The following POLL variants were observed in gnomAD, a reference collection of about 807,000 sequenced individuals.
The protein encoded by POLL is DNA polymerase lambda.
A neutral mutation model predicts 58.1 loss-of-function variants in POLL; 44 were observed. That is an observed-to-expected ratio of 0.76 (90% confidence interval 0.60 to 0.97). POLL has a LOEUF of 0.97. Among genes scored for constraint, POLL ranks in the 50% least tolerant of loss-of-function variants. The pLI, the probability that POLL is intolerant of heterozygous loss-of-function variation, is 0.00. For missense variants in POLL, 632 were observed against 736.8 expected (o/e 0.86, Z 1.65); for synonymous variants, 290 against 283.2 (o/e 1.02, Z -0.24).
rs758755637 is a variant in POLL at position 101,579,650 on chromosome 10, G to A, written c.1531C>T (p.His511Tyr). The A allele has an allele frequency of 8.7e-6, 14 of 1,613,986 alleles. No individual in the cohort carries two copies. The highest frequency in any genetic ancestry group is 3.3e-5 in the Admixed American group (2 of 60,024). The part of the protein sequence containing the change: ...CALLYFTGSA[H>Y]FNRSMRALAK... Reference sequence around the variant, plus strand: ...AGGGCTCGCATGGAGCGGTTGAAGTGTGCAGAGCCGGTGAAGTAGAGCAGG... The same window carrying A: ...AGGGCTCGCATGGAGCGGTTGAAGTATGCAGAGCCGGTGAAGTAGAGCAGG... Residue 511 changes from histidine to tyrosine, a missense_variant, in exon 9 of 9, where the codon CAC (histidine) becomes TAC (tyrosine). Transcript: ENST00000370162. This position sits in a 1 kb window ranked among gnomAD's most constrained non-coding sequence, Gnocchi z 4.4.
rs2062897068 is a variant in POLL at position 101,580,078 on chromosome 10, A to G, written c.1363+170T>C. On this transcript the variant is annotated intron_variant, in intron 8 of 8. Coordinates refer to ENST00000370162, the MANE Select transcript of POLL (RefSeq NM_001174084.2). The surrounding 1 kb of genome is among the most constrained non-coding windows in gnomAD (Gnocchi z 4.1). ...CACATAGGTGTGGCGGGGCTGTTCC[A>G]TCTCTCCCTGGAGAGGATTCCGGCC... 1 of 702,780 alleles carries G rather than the reference A, an allele frequency of 1.4e-6. No individual in the cohort carries two copies. Among genetic ancestry groups the G allele is most frequent in the Non-Finnish European group, 2.3e-6 (1 of 429,858 alleles). 43.5% of individuals were successfully genotyped at this position (702,780 alleles called of 1,614,324 possible).
intron 4 of POLL, 77 bp from the exon 5 acceptor site, chr10:101,584,996 T>A: frequency 8.0e-6 from 6 of 750,364 alleles, no homozygotes; most frequent in Middle Eastern, 3.0e-4. Context: ...GGGGTCATCT[T>A]CTTTGTGCGG....
At chr10:101,585,052 G>A in intron 4 of POLL, 133 bp from the exon 5 acceptor site, 3 of 689,344 alleles carry the variant, frequency 4.4e-6, no homozygotes. Context: ...GGGGCCTTCT[G>A]CATCAGACTT....
At chr10:101,586,212 A>T in intron 2 of POLL, 56 bp from the exon 3 acceptor site, 1 of 1,478,338 alleles carries the variant, frequency 6.8e-7, no homozygotes, top group Non-Finnish European at 9.3e-7. Flanking sequence ...TTTATCTGCC[A>T]CCCCCTGGCC....
chr10:101,583,065 T>C, intron 6 of POLL, 174 bp from the exon 7 acceptor site: 1 of 702,700 alleles, frequency 1.4e-6, no homozygotes, highest in South Asian at 1.5e-5. Context: ...GCAGGGAGCA[T>C]GGGAAACATG....
At chr10:101,586,777 G>A (rs1242145741) in intron 2 of POLL, among the ~76,000 whole-genome samples, 2 of 152,208 alleles carry the variant, frequency 1.3e-5, no homozygotes, top group African/African-American at 2.4e-5. Context: ...TTACAGGCAA[G>A]AGCCACCGCG....
At chr10:101,585,750 C>A (rs539019230) in intron 3 of POLL, 112 bp downstream of exon 3, 116 of 1,005,222 alleles carry the variant, frequency 1.2e-4, no homozygotes, top group Non-Finnish European at 1.6e-4. Context: ...ACAGGCACAC[C>A]CCACCATGCC....
chr10:101,580,537 G>T lies in POLL; in HGVS notation c.1195-121C>A. 1 of 823,560 alleles carries T rather than the reference G, an allele frequency of 1.2e-6. No individual in the cohort carries two copies. The highest frequency in any genetic ancestry group is 1.9e-6 in the Non-Finnish European group (1 of 523,750). The allele number at this position is 823,560 out of a possible 1,614,324, so 51.0% of individuals were successfully genotyped here. A position where few individuals can be genotyped will look rare whatever the true frequency, so the allele number is the denominator to read the frequency against. ...CAGCTTATGCCCATTCCAGATGCCTGCTGCAAGCCCAGGGGAATCCACCCT... is the reference window on the plus strand; with the variant it reads ...CAGCTTATGCCCATTCCAGATGCCTTCTGCAAGCCCAGGGGAATCCACCCT... On this transcript the variant is annotated intron_variant, in intron 7 of 8. Coordinates refer to ENST00000370162, the MANE Select transcript of POLL (RefSeq NM_001174084.2). The surrounding 1 kb of genome is among the most constrained non-coding windows in gnomAD (Gnocchi z 4.1).
intron 4 of POLL, 22 bp downstream of exon 4, chr10:101,585,293 CT>C: frequency 6.6e-7 from 1 of 1,506,286 alleles, no homozygotes; most frequent in Non-Finnish European, 8.9e-7. Flanking sequence ...GAAGGGAGTT[CT>C]GAGGGATGGG....
chr10:101,582,834 T>C lies in POLL; in HGVS notation c.1123A>G (p.Ile375Val), dbSNP rs2063075485. The change falls in exon 7 of 9, where the codon ATC becomes GTC. Residue 375 changes from isoleucine (I) to valine (V), a missense_variant. Physicochemically the swap from Ile to Val is conservative, Grantham distance 29 (BLOSUM62 3). Coordinates refer to ENST00000370162, the MANE Select transcript of POLL (RefSeq NM_001174084.2). The part of the protein sequence containing the change: ...SQASLTTQQA[I>V]GLKHYSDFLE... ...AAGTCACTGTAATGCTTCAGGCCGA[T>C]GGCCTGCTGGGTTGTCAGGGAGGCC... is the stretch of plus-strand genomic sequence containing the variant. The C allele has an allele frequency of 6.2e-7, 1 of 1,614,078 alleles. No individual in the cohort carries two copies. Among genetic ancestry groups the C allele is most frequent in the Non-Finnish European group, 8.5e-7 (1 of 1,179,886 alleles).
chr10:101,582,680 T>G (rs1258410050), intron 7 of POLL, 83 bp downstream of exon 7: 4 of 1,419,762 alleles, frequency 2.8e-6, no homozygotes, highest in East Asian at 2.3e-5. Flanking sequence ...CCTCCCCAGC[T>G]GAGGAGTTGG....
chr10:101,585,046 C>T, intron 4 of POLL, 127 bp from the exon 5 acceptor site: 1 of 697,778 alleles, frequency 1.4e-6, no homozygotes, highest in East Asian at 2.9e-5. Context: ...TGAGGCGGGG[C>T]CTTCTGCATC....
intron 2 of POLL, 58 bp from the exon 3 acceptor site, chr10:101,586,214 C>A: frequency 4.8e-6 from 7 of 1,457,332 alleles, no homozygotes; most frequent in Non-Finnish European, 4.7e-6. Flanking sequence ...TATCTGCCAC[C>A]CCCTGGCCAC....
Position 101,588,075 on chromosome 10 carries a change from G to A in POLL, c.-300C>T. The A allele has an allele frequency of 1.4e-6, 2 of 1,474,662 alleles. No individual in the cohort carries two copies. Among genetic ancestry groups the A allele is most frequent in the East Asian group, 2.8e-5 (1 of 35,610 alleles). The allele number at this position is 1,474,662 out of a possible 1,614,324, so 91.3% of individuals were successfully genotyped here. On this transcript the variant is annotated 5_prime_UTR_variant, in exon 1 of 9. Transcript: ENST00000370162. ...CGCAGGCCAGGGAATCCCAGCTCGG[G>A]GCTAGAAGAAAGCTGGAGTGCCCGA... is the stretch of plus-strand genomic sequence containing the variant.
rs761975938 is a variant in POLL, at chr10:101,580,205, G to A, written c.1363+43C>T. On this transcript the variant is annotated intron_variant, in intron 8 of 8. Coordinates refer to ENST00000370162, the MANE Select transcript of POLL (RefSeq NM_001174084.2). This position sits in a 1 kb window ranked among gnomAD's most constrained non-coding sequence, Gnocchi z 4.1. ...CCTCTGAGGGGGCCCCCAGACCTGTGCTGCCCTCTGTCAACCTGCTCACCC... is the reference window on the plus strand; with the variant it reads ...CCTCTGAGGGGGCCCCCAGACCTGTACTGCCCTCTGTCAACCTGCTCACCC... 6.4e-7 allele frequency: 1 copy of A among 1,570,590 alleles called. No homozygotes were observed. The highest frequency in any genetic ancestry group is 2.2e-5 in the East Asian group (1 of 44,530).
Position 101,585,962 on chromosome 10 carries a change from G to A in POLL, c.310C>T (p.Pro104Ser), listed in dbSNP as rs1290852075. The change falls in exon 3 of 9, where the codon CCC (proline) becomes TCC (serine). Residue 104 changes from proline (P) to serine (S), a missense_variant. Transcript: ENST00000370162. ...ALRLLRLPQL[P>S]PGAQLVKSAW... The stretch of plus-strand genomic sequence containing the variant: ...GACTTCACCAGCTGAGCACCCGGGG[G>A]CAGCTGGGGTAGTCTGAGAAGGCGG... 5.0e-6 allele frequency: 8 copies of A among 1,613,936 alleles called. No individual in the cohort carries two copies. Among genetic ancestry groups the A allele is most frequent in the South Asian group, 1.1e-5 (1 of 91,074 alleles).
At position 101,583,574 on chromosome 10, in the gene POLL, A is replaced by C. The variant is rs560893212; in HGVS notation, c.999T>G (p.Pro333=). ...RKLDHISESV[P]VLELFSNIWG... ...AGATGTTGGAGAAGAGCTCCAAGACAGGCACGCTCTCACTGATATGGTCCA... is the reference window on the plus strand; with the variant it reads ...AGATGTTGGAGAAGAGCTCCAAGACCGGCACGCTCTCACTGATATGGTCCA... The change falls in exon 6 of 9, where the codon CCT becomes CCG. Residue 333 remains proline, a synonymous_variant. Transcript: ENST00000370162. The C allele has an allele frequency of 2.1e-5, 34 of 1,613,954 alleles. No individual in the cohort carries two copies. Among genetic ancestry groups the C allele is most frequent in the Non-Finnish European group, 2.9e-5 (34 of 1,180,024 alleles).
rs146653325 is a variant in POLL, at chr10:101,579,727, C to T, written c.1454G>A (p.Arg485Gln). Residue 485 changes from arginine (R) to glutamine (Q), a missense_variant, in exon 9 of 9, where the codon CGG (arginine) becomes CAG (glutamine). Transcript: ENST00000370162. This position sits in a 1 kb window ranked among gnomAD's most constrained non-coding sequence, Gnocchi z 4.4. Reference protein sequence around the residue: ...GVCRLPGPGRRHRRLDIIVVP... With the variant: ...GVCRLPGPGRQHRRLDIIVVP... ...CACGATGATGTCCAGGCGCCGGTGCCGCCGCCCTGGCCCTGGGAGCCGGCA... is the reference window on the plus strand; with the variant it reads ...CACGATGATGTCCAGGCGCCGGTGCTGCCGCCCTGGCCCTGGGAGCCGGCA... 487 of 1,613,690 alleles carry T rather than the reference C, an allele frequency of 3.0e-4. 1 individual carries two copies. The highest frequency in any genetic ancestry group is 3.5e-4 in the African/African-American group (26 of 75,012).
In POLL at chr10:101,584,790, C is replaced by T; in HGVS notation, c.703G>A (p.Val235Ile). 2 of 1,608,092 alleles carry T rather than the reference C, an allele frequency of 1.2e-6. No individual in the cohort carries two copies. Among genetic ancestry groups the T allele is most frequent in the Non-Finnish European group, 1.7e-6 (2 of 1,176,504 alleles). The change falls in exon 5 of 9, where the codon GTC becomes ATC. Residue 235 changes from valine to isoleucine, a missense_variant. Transcript: ENST00000370162. ...TGTGCACAGACCCACTTATCCAGGA[C>T]AGCAGGGGCTGGGCTAGGCTCACAA... Reference protein sequence around the residue: ...GDCEPSPAPAVLDKWVCAQPS... With the variant: ...GDCEPSPAPAILDKWVCAQPS...
Sources: allele counts gnomAD v4.1 joint callset (sites outside exome capture counted in the v4.1 genomes callset), GRCh38; gene constraint gnomAD v4.1.1; non-coding constraint Gnocchi (gnomAD v3.1); transcripts MANE v1.5; gene names NCBI Gene and HGNC (gene_info 2026-07-23, HGNC 2026-07-21).